CSPG4: variants seen among roughly 807,000 people sequenced by gnomAD.
CSPG4 encodes chondroitin sulfate proteoglycan 4.
A neutral mutation model predicts 139.3 loss-of-function variants in CSPG4; 74 were observed. The ratio of observed to expected loss-of-function variants is 0.53; its 90% CI spans 0.44 to 0.64. The LOEUF (loss-of-function observed/expected upper bound fraction) is 0.64. Ranked by LOEUF, CSPG4 falls within the 30% of genes least tolerant of loss-of-function variation. The pLI is 0.00. For missense variants in CSPG4, 2,565 were observed against 3,148.3 expected, an observed-to-expected ratio of 0.81 and a Z score of 4.43; for synonymous variants, 1,234 against 1,394.2, an observed-to-expected ratio of 0.89 and a Z score of 2.56.
At position 75,690,075 on chromosome 15, in the gene CSPG4, C is replaced by T; in HGVS notation, c.990G>A (p.Glu330=). The T allele has an allele frequency of 3.1e-6, 5 of 1,612,114 alleles. No homozygotes were observed. Among genetic ancestry groups the T allele is most frequent in the Admixed American group, 1.7e-5 (1 of 59,906 alleles). Residue 330 remains glutamate (E), a synonymous_variant, in exon 3 of 10, where the codon GAG becomes GAA. Coordinates refer to ENST00000308508, the MANE Select transcript of CSPG4 (RefSeq NM_001897.5). ...GGTGTTCCTGGAGGTGACGAGAGGC[C>T]TCTGCATCCAGCCCCCCGAGAAGGA... ...GSLLLGGLDA[E]ASRHLQEHRL...
intron 1 of CSPG4, among the ~76,000 whole-genome samples, chr15:75,701,846 G>A (rs1232955386): frequency 1.3e-5 from 2 of 152,254 alleles, no homozygotes; most frequent in East Asian, 1.9e-4. Context: ...GTGAAGGCCC[G>A]ACTGTCCACC....
At position 75,682,374 on chromosome 15, in the gene CSPG4, C is replaced by T. The variant is rs1257754465; in HGVS notation, c.4869G>A (p.Val1623=). Residue 1623 remains valine (V), a synonymous_variant, in exon 8 of 10, where the codon GTG becomes GTA. Coordinates refer to ENST00000308508, the MANE Select transcript of CSPG4 (RefSeq NM_001897.5). ...TDPQLLLYRV[V]RGPQLGRLFH... ...ACAGCCGGCCTAGCTGGGGGCCCCG[C>T]ACCACACGGTAGAGCAGGAGCTGGG... is the stretch of plus-strand genomic sequence containing the variant. The T allele has an allele frequency of 5.6e-6, 9 of 1,596,718 alleles. No individual in the cohort carries two copies. The Admixed American group carries it at 1.2e-4, about 21-fold the overall frequency.
At position 75,690,532 on chromosome 15, in the gene CSPG4, C is replaced by A. The variant is rs760868344; in HGVS notation, c.533G>T (p.Arg178Leu). 6.2e-7 allele frequency: 1 copy of A among 1,609,390 alleles called. No homozygotes were observed. The highest frequency in any genetic ancestry group is 1.1e-5 in the South Asian group (1 of 90,844). Residue 178 changes from arginine to leucine, a missense_variant, in exon 3 of 10, where the codon CGC (arginine) becomes CTC (leucine). Around this residue, in one of 5 missense-constraint regions of CSPG4, gnomAD observed 132 missense variants for 132.3 expected, o/e 1.00. Coordinates refer to ENST00000308508, the MANE Select transcript of CSPG4 (RefSeq NM_001897.5). ...GCLHAATLNG[R>L]SLLRPLTPDV... ...GGGGGTCAGAGGCCGGAGGAGGCTG[C>A]GGCCATTGAGGGTGGCTGCATGGAG...
In CSPG4 at chr15:75,698,262, G is replaced by A. The variant is rs910356195; in HGVS notation, c.89-5029C>T. 3.9e-5 allele frequency among the ~76,000 whole-genome samples: 6 copies of A among 151,922 alleles called. No homozygotes were observed. Among genetic ancestry groups the A allele is most frequent in the African/African-American group, 1.5e-4 (6 of 41,330 alleles). On this transcript the variant is annotated intron_variant, in intron 1 of 9. Coordinates refer to ENST00000308508, the MANE Select transcript of CSPG4 (RefSeq NM_001897.5). This position sits in a 1 kb window ranked among gnomAD's most constrained non-coding sequence, Gnocchi z 4.3. Reference sequence around the variant, plus strand: ...AGGGGGCTGTGGGATGGGGTATTCTGGGAGGGCCAAGGCCGGGATGAAGGG... The same window carrying A: ...AGGGGGCTGTGGGATGGGGTATTCTAGGAGGGCCAAGGCCGGGATGAAGGG...
chr15:75,712,670 G>A lies in CSPG4; in HGVS notation c.86C>T (p.Ala29Val), dbSNP rs753624699. The change falls in exon 1 of 10, where the codon GCG becomes GTG. Residue 29 changes from alanine (A) to valine (V), a missense_variant and splice_region_variant. By Grantham distance (64) the Ala-to-Val change is moderately conservative. Coordinates refer to ENST00000308508, the MANE Select transcript of CSPG4 (RefSeq NM_001897.5). ...GGGGTCTCAGGCCCCTCACTCACCC[G>A]CGGATGCAAGTCTGGCCAACATAGT... Reference protein sequence around the residue: ...TLTMLARLASAASFFGENHLE... With the variant: ...TLTMLARLASVASFFGENHLE... 1 of 1,559,760 alleles carries A rather than the reference G, an allele frequency of 6.4e-7. No individual in the cohort carries two copies. The highest frequency in any genetic ancestry group is 1.2e-5 in the South Asian group (1 of 84,810).
chr15:75,707,606 C>T (rs952803604), intron 1 of CSPG4, among the ~76,000 whole-genome samples: 6 of 152,218 alleles, frequency 3.9e-5, no homozygotes, highest in African/African-American at 7.2e-5. Flanking sequence ...CTTCTGCTCC[C>T]GGCCTCCAGG....
At position 75,690,747 on chromosome 15, in the gene CSPG4, G is replaced by A; in HGVS notation, c.318C>T (p.Asp106=). 6.2e-7 allele frequency: 1 copy of A among 1,613,214 alleles called. No homozygotes were observed. Residue 106 remains aspartate, a synonymous_variant, in exon 3 of 10, where the codon GAC becomes GAT. Coordinates refer to ENST00000308508, the MANE Select transcript of CSPG4 (RefSeq NM_001897.5). ...TCAGCACCACAGTGTGGGGGATGGA[G>A]TCACTCAGCAGCGTCTCTGCTGGAG... ...LQTPAETLLS[D]SIPHTVVLTV...
chr15:75,688,342 A>G lies in CSPG4; in HGVS notation c.2723T>C (p.Val908Ala). ...DAPVLTNVLL[V>A]VPEGGEGVLS... ...GACACCCTCACCACCCTCAGGCACC[A>G]CGAGGAGGACATTGGTGAGGACAGG... The change falls in exon 3 of 10, where the codon GTG becomes GCG. Residue 908 changes from valine to alanine, a missense_variant. Physicochemically the swap from Val to Ala is moderately conservative, Grantham distance 64. Transcript: ENST00000308508. 6.2e-7 allele frequency: 1 copy of G among 1,613,288 alleles called. No homozygotes were observed. Among genetic ancestry groups the G allele is most frequent in the African/African-American group, 1.3e-5 (1 of 75,062 alleles).
rs536821438 is a variant in CSPG4, at chr15:75,681,585, C to T, written c.4950+708G>A. On this transcript the variant is annotated intron_variant, in intron 8 of 9. Transcript: ENST00000308508. ...CATGTGCCGCCTGCCTGGGATGGCC[C>T]ATGGAAGAGTCTGCCCCGCTCTGCC... Among the ~76,000 whole-genome samples the T allele has an allele frequency of 3.9e-5, 6 of 152,364 alleles. No homozygotes were observed. The South Asian group carries it at 1.2e-3, about 32-fold the overall frequency.
intron 2 of CSPG4, among the ~76,000 whole-genome samples, chr15:75,692,038 A>G (rs1894171406): frequency 6.6e-6 from 1 of 152,124 alleles, no homozygotes; most frequent in South Asian, 2.1e-4. Flanking sequence ...CTGAAGTGCA[A>G]TGGTGCGGTC....
intron 3 of CSPG4, among the ~76,000 whole-genome samples, chr15:75,686,415 G>A (rs537083754): frequency 2.4e-4 from 36 of 152,180 alleles, no homozygotes; most frequent in Admixed American, 1.1e-3. Context: ...AGGCACAGCC[G>A]CCTTCAGCTC....
chr15:75,682,552 C>A, intron 7 of CSPG4, 55 bp downstream of exon 7: 2 of 1,600,666 alleles, frequency 1.2e-6, no homozygotes, highest in Non-Finnish European at 1.7e-6. Context: ...GCATGCCACC[C>A]TCAGCTCCGC....
intron 1 of CSPG4, among the ~76,000 whole-genome samples, chr15:75,711,564 C>T (rs1180993700): frequency 3.9e-5 from 6 of 152,400 alleles, no homozygotes; most frequent in Admixed American, 1.3e-4. Flanking sequence ...TGATTCACCC[C>T]GCGGGGGTCC....
rs1203369345 is a variant in CSPG4, at chr15:75,696,441, T to C, written c.89-3208A>G. ...CTGTATATTAATAGATGTGTATTTGTGTGTGCGCAAGCATGTGGGTGGCTG... is the reference window on the plus strand; with the variant it reads ...CTGTATATTAATAGATGTGTATTTGCGTGTGCGCAAGCATGTGGGTGGCTG... On this transcript the variant is annotated intron_variant, in intron 1 of 9. Coordinates refer to ENST00000308508, the MANE Select transcript of CSPG4 (RefSeq NM_001897.5). The surrounding 1 kb of genome is among the most constrained non-coding windows in gnomAD (Gnocchi z 4.2). 2.0e-5 allele frequency among the ~76,000 whole-genome samples: 3 copies of C among 152,026 alleles called. No homozygotes were observed. The highest frequency in any genetic ancestry group is 1.9e-4 in the East Asian group (1 of 5,182).
At chr15:75,692,757 A>G (rs1894181385) in intron 2 of CSPG4, among the ~76,000 whole-genome samples, 1 of 152,110 alleles carries the variant, frequency 6.6e-6, no homozygotes, top group African/African-American at 2.4e-5. Flanking sequence ...TGGCAGAAGG[A>G]GTGTGCATCA....
In CSPG4 at chr15:75,676,885, G is replaced by A. The variant is rs370088802; in HGVS notation, c.5634C>T (p.Asn1878=). The part of the protein sequence containing the change: ...IEYEVQRAPH[N]GFLSLVGGGL... The stretch of plus-strand genomic sequence containing the variant: ...CACCACCCACCAGGCTGAGGAAGCC[G>A]TTGTGGGGTGCCCGCTGGACCTCGT... The change falls in exon 10 of 10, where the codon AAC becomes AAT. Residue 1878 remains asparagine, a synonymous_variant. Coordinates refer to ENST00000308508, the MANE Select transcript of CSPG4 (RefSeq NM_001897.5). The A allele has an allele frequency of 3.1e-5, 49 of 1,592,142 alleles. No individual in the cohort carries two copies. Among genetic ancestry groups the A allele is most frequent in the Non-Finnish European group, 3.8e-5 (45 of 1,170,456 alleles).
At chr15:75,694,378 T>C (rs1390666938) in intron 1 of CSPG4, among the ~76,000 whole-genome samples, 2 of 152,222 alleles carry the variant, frequency 1.3e-5, no homozygotes, top group Non-Finnish European at 2.9e-5. Flanking sequence ...GAGCCAAATA[T>C]AACTTTGACT....
chr15:75,709,085 G>A (rs1190953310), intron 1 of CSPG4, among the ~76,000 whole-genome samples: 2 of 152,186 alleles, frequency 1.3e-5, no homozygotes, highest in East Asian at 1.9e-4. Context: ...GTCCTCTCCT[G>A]TTTGGAGTTA....
chr15:75,676,407 C>T lies in CSPG4; in HGVS notation c.6112G>A (p.Val2038Ile), dbSNP rs199663560. The change falls in exon 10 of 10, where the codon GTA becomes ATA. Residue 2038 changes from valine to isoleucine, a missense_variant. By Grantham distance (29) the Val-to-Ile change is conservative. Transcript: ENST00000308508. ...AGAGCCCTCACAGTGACGTTCACTA[C>T]GGCTGATGCATTGACACCCCTAGCC... ...ALARGVNASA[V>I]VNVTVRALLH... 3.8e-5 allele frequency: 61 copies of T among 1,613,704 alleles called. 1 individual carries two copies. The highest frequency in any genetic ancestry group is 3.3e-4 in the Middle Eastern group (2 of 6,062).
Sources: gnomAD v4.1 joint callset for allele counts (sites outside exome capture counted in the v4.1 genomes callset) on GRCh38, gnomAD v4.1.1 for gene constraint, gnomAD v4.1.1 regional missense constraint, Gnocchi (gnomAD v3.1) non-coding constraint, MANE v1.5 for transcripts, NCBI Gene and HGNC (gene_info 2026-07-23, HGNC 2026-07-21) for gene names.